The following LRP5 variants were observed in gnomAD, a reference collection of about 807,000 sequenced individuals.
LRP5 encodes LDL receptor related protein 5.
Under a neutral mutation model 154.1 loss-of-function variants are expected in LRP5, and 62 were observed. The ratio of observed to expected loss-of-function variants is 0.40; its 90% CI spans 0.33 to 0.50. The LOEUF is 0.50. LRP5 is among the 20% of genes least tolerant of loss of function. LRP5 has a pLI of 0.55. For synonymous variants in LRP5, 966 were observed against 1,011.5 expected (o/e 0.96, Z 0.85); for missense variants, 1,915 against 2,336.7 (o/e 0.82, Z 3.72).
In LRP5 at chr11:68,449,072, C is replaced by G. The variant is rs759182457; in HGVS notation, c.*2C>G. The G allele has an allele frequency of 6.5e-7, 1 of 1,537,936 alleles. No individual in the cohort carries two copies. The highest frequency in any genetic ancestry group is 1.9e-5 in the Admixed American group (1 of 52,204). ...TCCCCCTGCACGGACTCATCCTGAC[C>G]TCGGCCGGGCCACTCTGGCTTCTCT... On this transcript the variant is annotated 3_prime_UTR_variant, in exon 23 of 23. Transcript: ENST00000294304.
chr11:68,442,580 A>G (rs1202198192), intron 21 of LRP5, among the ~76,000 whole-genome samples: 1 of 152,180 alleles, frequency 6.6e-6, no homozygotes, highest in Non-Finnish European at 1.5e-5. Context: ...CTGGGCTGAC[A>G]TATGTGTTTT....
chr11:68,408,073 T>G (rs144942834), intron 9 of LRP5, among the ~76,000 whole-genome samples: 23 of 151,910 alleles, frequency 1.5e-4, no homozygotes, highest in African/African-American at 5.6e-4. Context: ...TTTTCTGCTT[T>G]TTGTTGTTGT....
intron 9 of LRP5, among the ~76,000 whole-genome samples, chr11:68,409,095 T>TATATATATATATATATAC (rs1311618305): frequency 4.4e-3 from 121 of 27,200 alleles, no homozygotes; most frequent in Non-Finnish European, 7.4e-3. Context: ...TATATATATA[T>TATATATATATATATATAC]ACACACACAT....
At chr11:68,352,281 A>G (rs1421497232) in intron 2 of LRP5, among the ~76,000 whole-genome samples, 1 of 152,184 alleles carries the variant, frequency 6.6e-6, no homozygotes, top group Non-Finnish European at 1.5e-5. Context: ...AGGTTCGATA[A>G]AAAGATGAGA....
At chr11:68,313,261 T>G (rs1341334185) in intron 1 of LRP5, among the ~76,000 whole-genome samples, 3 of 151,476 alleles carry the variant, frequency 2.0e-5, no homozygotes, top group African/African-American at 2.4e-5. Context: ...CGGGCTGAAG[T>G]TGCAGCGAGA....
chr11:68,417,911 G>A (rs1052105398), intron 13 of LRP5, among the ~76,000 whole-genome samples: 10 of 151,972 alleles, frequency 6.6e-5, no homozygotes, highest in Non-Finnish European at 1.0e-4. Context: ...CTCCAGCCTG[G>A]GCAACAAGAG....
chr11:68,404,688 C>T (rs969526513), intron 8 of LRP5, among the ~76,000 whole-genome samples: 9 of 152,010 alleles, frequency 5.9e-5, no homozygotes, highest in Non-Finnish European at 1.0e-4. Context: ...ATGCTGGGGC[C>T]GGGGCAGTGC....
intron 1 of LRP5, among the ~76,000 whole-genome samples, chr11:68,338,453 G>C (rs570999731): frequency 7.2e-5 from 11 of 152,318 alleles, no homozygotes; most frequent in Admixed American, 7.2e-4. Context: ...TCAAACTCCT[G>C]ATTCTGCTCC....
intron 12 of LRP5, 117 bp downstream of exon 12, chr11:68,414,129 T>A: frequency 9.9e-7 from 1 of 1,013,250 alleles, no homozygotes; most frequent in Non-Finnish European, 1.5e-6. Flanking sequence ...GATGGTTGGG[T>A]AGGTTGTGCA....
chr11:68,410,159 C>T lies in LRP5; in HGVS notation c.2318+19C>T, dbSNP rs560355676. ...CCAAGGGGTAAGTGTTTGCCTGTCC[C>T]GTGCGTCCTTGTGTTCACCTCGTAT... On this transcript the variant is annotated intron_variant, in intron 10 of 22. Coordinates refer to ENST00000294304, the MANE Select transcript of LRP5 (RefSeq NM_002335.4). The T allele has an allele frequency of 8.6e-5, 138 of 1,602,608 alleles. 1 individual carries two copies. The South Asian group carries it at 1.1e-3, about 13-fold the overall frequency.
intron 5 of LRP5, among the ~76,000 whole-genome samples, chr11:68,380,093 A>G (rs2098639477): frequency 6.6e-6 from 1 of 152,246 alleles, no homozygotes; most frequent in African/African-American, 2.4e-5. Flanking sequence ...AGATCGCGCC[A>G]CTGCACTCCA....
At position 68,433,790 on chromosome 11, in the gene LRP5, G is replaced by A. The variant is rs541726127; in HGVS notation, c.3952G>A (p.Asp1318Asn). ...GTGTGTGGACCTGCGCCTGCGCTGC[G>A]ACGGCGAGGCAGACTGTCAGGACCG... ...GQCVDLRLRC[D>N]GEADCQDRSD... The change falls in exon 18 of 23, where the codon GAC becomes AAC. Residue 1318 changes from aspartate (D) to asparagine (N), a missense_variant. By Grantham distance (23) the Asp-to-Asn change is conservative. Around this residue, in one of 3 missense-constraint regions of LRP5, gnomAD observed 1,094 missense variants for 1,210.1 expected, o/e 0.90. Coordinates refer to ENST00000294304, the MANE Select transcript of LRP5 (RefSeq NM_002335.4). 2.4e-5 allele frequency: 39 copies of A among 1,612,478 alleles called. No individual in the cohort carries two copies. The highest frequency in any genetic ancestry group is 2.7e-5 in the Non-Finnish European group (32 of 1,179,748).
At chr11:68,373,945 C>T (rs1171878137) in intron 5 of LRP5, among the ~76,000 whole-genome samples, 3 of 152,238 alleles carry the variant, frequency 2.0e-5, no homozygotes, top group African/African-American at 7.2e-5. Context: ...TCGGGCCACA[C>T]GTGCCCTGGC....
chr11:68,437,095 G>A, intron 19 of LRP5, 96 bp downstream of exon 19: 1 of 1,076,998 alleles, frequency 9.3e-7, no homozygotes, highest in South Asian at 1.3e-5. Context: ...CAGCGGGGCT[G>A]GGGGCTGTGT....
chr11:68,405,645 G>C (rs1229069353), intron 8 of LRP5, among the ~76,000 whole-genome samples: 1 of 152,126 alleles, frequency 6.6e-6, no homozygotes, highest in Non-Finnish European at 1.5e-5. Flanking sequence ...CTCACCCCGT[G>C]GTTTGCTAAA....
chr11:68,437,573 A>C (rs2098675713), intron 19 of LRP5, among the ~76,000 whole-genome samples: 1 of 152,248 alleles, frequency 6.6e-6, no homozygotes, highest in Non-Finnish European at 1.5e-5. Context: ...GATAGGAAGT[A>C]GCAATGAGTC....
At chr11:68,406,916 T>C in intron 9 of LRP5, 103 bp downstream of exon 9, 1 of 1,200,536 alleles carries the variant, frequency 8.3e-7, no homozygotes, top group South Asian at 1.3e-5. Flanking sequence ...CACTATCGTA[T>C]TTATTGTAAC....
At chr11:68,368,620 G>T (rs1260357961) in intron 5 of LRP5, among the ~76,000 whole-genome samples, 1 of 152,132 alleles carries the variant, frequency 6.6e-6, no homozygotes, top group Non-Finnish European at 1.5e-5. Flanking sequence ...CTGAAGGGAG[G>T]TCTGGAGGTG....
Position 68,386,954 on chromosome 11 carries a change from C to T in LRP5, c.1412+242C>T, listed in dbSNP as rs2098643413. 6.6e-6 allele frequency among the ~76,000 whole-genome samples: 1 copy of T among 152,162 alleles called. No individual in the cohort carries two copies. The highest frequency in any genetic ancestry group is 6.5e-5 in the Admixed American group (1 of 15,286). The stretch of plus-strand genomic sequence containing the variant: ...GTCCGGTGCTGCTGCTGGGTCCATG[C>T]GTAGAAAGCCCTGGAGACCTGGAGG... On this transcript the variant is annotated intron_variant, in intron 6 of 22. Transcript: ENST00000294304. The surrounding 1 kb of genome is among the most constrained non-coding windows in gnomAD (Gnocchi z 7.9).
Sources: gnomAD v4.1 joint callset for allele counts (sites outside exome capture counted in the v4.1 genomes callset) on GRCh38, gnomAD v4.1.1 for gene constraint, gnomAD v4.1.1 regional missense constraint, Gnocchi (gnomAD v3.1) non-coding constraint, MANE v1.5 for transcripts, NCBI Gene and HGNC (gene_info 2026-07-23, HGNC 2026-07-21) for gene names.